The following TNR variants were observed in gnomAD, a reference collection of about 807,000 sequenced individuals.
The protein encoded by TNR is tenascin-R.
TNR carries 45 observed loss-of-function variants against 150.4 expected under a neutral mutation model. That is an observed-to-expected ratio of 0.30 (90% CI 0.24 to 0.38). TNR has a LOEUF of 0.38. TNR is among the 10% of genes least tolerant of loss of function. TNR has a pLI of 1.00. For missense variants in TNR, 1,544 were observed against 1,759.1 expected, an observed-to-expected ratio of 0.88 and a Z score of 2.19; for synonymous variants, 687 against 678.4, an observed-to-expected ratio of 1.01 and a Z score of -0.20.
rs889149795 is a variant in TNR, at chr1:175,406,246, C to T, written c.469G>A (p.Ala157Thr). ...GCAGCACTTTCTTGGCAGCAGTTGG[C>T]GTTGCACTGGTCTCGCAGCACCGAC... ...EVSVLRDQCN[A>T]NCCQESAATG... Residue 157 changes from alanine to threonine, a missense_variant, in exon 3 of 23, where the codon GCC (alanine) becomes ACC (threonine). Coordinates refer to ENST00000367674, the MANE Select transcript of TNR (RefSeq NM_003285.3). The T allele has an allele frequency of 1.2e-6, 2 of 1,614,066 alleles. No individual in the cohort carries two copies. Among genetic ancestry groups the T allele is most frequent in the Non-Finnish European group, 1.7e-6 (2 of 1,179,974 alleles).
intron 2 of TNR, among the ~76,000 whole-genome samples, chr1:175,415,761 C>G (rs928727544): frequency 2.6e-5 from 4 of 152,178 alleles, no homozygotes; most frequent in African/African-American, 7.2e-5. Context: ...CACAGAGACA[C>G]TCTTTCATCT....
intron 4 of TNR, among the ~76,000 whole-genome samples, chr1:175,398,147 A>G (rs1160190526): frequency 6.6e-6 from 1 of 152,098 alleles, no homozygotes; most frequent in East Asian, 1.9e-4. Context: ...TCACATGTGC[A>G]CCCTCAAATC....
intron 1 of TNR, among the ~76,000 whole-genome samples, chr1:175,537,705 C>A (rs1055471801): frequency 6.6e-6 from 1 of 152,190 alleles, no homozygotes; most frequent in African/African-American, 2.4e-5. Context: ...GGGCTGTGAG[C>A]CAAAACCCTT....
intron 2 of TNR, among the ~76,000 whole-genome samples, chr1:175,511,947 G>T (rs575913215): frequency 2.0e-4 from 31 of 152,256 alleles, no homozygotes; most frequent in Admixed American, 2.6e-4. Context: ...CATTGCTAAA[G>T]TCAACAACAC....
intron 3 of TNR, among the ~76,000 whole-genome samples, chr1:175,405,268 C>T (rs755325637): frequency 1.3e-5 from 2 of 152,216 alleles, no homozygotes; most frequent in African/African-American, 4.8e-5. Flanking sequence ...TTACAGAAGC[C>T]AGGCTGACAT....
intron 1 of TNR, among the ~76,000 whole-genome samples, chr1:175,731,176 C>G (rs1033334077): frequency 1.3e-5 from 2 of 152,162 alleles, no homozygotes; most frequent in African/African-American, 4.8e-5. Context: ...GCCATTGGAA[C>G]AGTGGGTCTT....
At chr1:175,363,569 C>A in intron 13 of TNR, 139 bp downstream of exon 13, 1 of 1,164,290 alleles carries the variant, frequency 8.6e-7, no homozygotes, top group Non-Finnish European at 1.2e-6. Context: ...TGCTCACCAG[C>A]CCACTCTCAT....
chr1:175,449,643 T>A (rs1656218453), intron 2 of TNR, among the ~76,000 whole-genome samples: 1 of 149,560 alleles, frequency 6.7e-6, no homozygotes, highest in South Asian at 2.1e-4. Flanking sequence ...AAGATGAAGC[T>A]ACAAGGAAAT....
intron 1 of TNR, among the ~76,000 whole-genome samples, chr1:175,603,369 G>C (rs1663310647): frequency 6.6e-6 from 1 of 152,156 alleles, no homozygotes; most frequent in African/African-American, 2.4e-5. Flanking sequence ...AAATAGTAAG[G>C]GGTCAGTAAG....
At chr1:175,433,564 C>A (rs186977866) in intron 2 of TNR, among the ~76,000 whole-genome samples, 1 of 152,264 alleles carries the variant, frequency 6.6e-6, no homozygotes, top group Non-Finnish European at 1.5e-5. Flanking sequence ...TATGGAGAAG[C>A]AAAGGCAATC....
rs1657830228 is a variant in TNR, at chr1:175,482,001, C to G, written c.-64+46268G>C. Among the ~76,000 whole-genome samples, 3 of 152,182 alleles carry G rather than the reference C, an allele frequency of 2.0e-5. No individual in the cohort carries two copies. The South Asian group carries it at 6.2e-4, about 32-fold the overall frequency. On this transcript the variant is annotated intron_variant, in intron 2 of 22. Coordinates refer to ENST00000367674, the MANE Select transcript of TNR (RefSeq NM_003285.3). ...ACCTGATGCACTCAGCCTCCACAAC[C>G]ACACCCTGCCTCGTGTTGTCACACT...
intron 15 of TNR, among the ~76,000 whole-genome samples, chr1:175,358,781 G>A (rs1425885492): frequency 6.6e-6 from 1 of 152,220 alleles, no homozygotes; most frequent in Non-Finnish European, 1.5e-5. Context: ...ACAGAAGACA[G>A]TGAACTTCAA....
At chr1:175,712,381 G>C (rs183002142) in intron 1 of TNR, among the ~76,000 whole-genome samples, 4 of 152,244 alleles carry the variant, frequency 2.6e-5, no homozygotes, top group Admixed American at 2.0e-4. Context: ...AGGATGGTTT[G>C]AGACCAGTGA....
At chr1:175,434,453 G>T (rs1655409135) in intron 2 of TNR, among the ~76,000 whole-genome samples, 2 of 152,116 alleles carry the variant, frequency 1.3e-5, no homozygotes, top group Non-Finnish European at 2.9e-5. Flanking sequence ...GCTGCTCGCT[G>T]GCACCCCCTA....
chr1:175,707,388 T>A (rs1371367409), intron 1 of TNR, among the ~76,000 whole-genome samples: 3 of 152,236 alleles, frequency 2.0e-5, no homozygotes, highest in Non-Finnish European at 4.4e-5. Flanking sequence ...TTCTGATATT[T>A]ATTTGAGTGC....
intron 2 of TNR, among the ~76,000 whole-genome samples, chr1:175,505,795 C>A (rs1307738635): frequency 6.6e-6 from 1 of 152,222 alleles, no homozygotes; most frequent in Non-Finnish European, 1.5e-5. Flanking sequence ...CATCCCAGCA[C>A]TTTGGGAGGC....
At chr1:175,607,635 A>G (rs1663453383) in intron 1 of TNR, among the ~76,000 whole-genome samples, 1 of 152,222 alleles carries the variant, frequency 6.6e-6, no homozygotes, top group Admixed American at 6.5e-5. Flanking sequence ...ACAATACGTT[A>G]CAGTGGTCAG....
In TNR at chr1:175,406,371, G is replaced by A. The variant is rs773452165; in HGVS notation, c.344C>T (p.Thr115Ile). ...TSDHESQVTF[T>I]HRINFPKKAC... ...CTTTTTGGGGAAGTTGATCCTGTGT[G>A]TAAAGGTGACCTGGCTCTCGTGGTC... is the stretch of plus-strand genomic sequence containing the variant. The change falls in exon 3 of 23, where the codon ACA becomes ATA. Residue 115 changes from threonine (T) to isoleucine (I), a missense_variant. Coordinates refer to ENST00000367674, the MANE Select transcript of TNR (RefSeq NM_003285.3). 7 of 1,614,070 alleles carry A rather than the reference G, an allele frequency of 4.3e-6. No homozygotes were observed. The highest frequency in any genetic ancestry group is 5.9e-6 in the Non-Finnish European group (7 of 1,180,040).
At chr1:175,464,426 A>G (rs1374187844) in intron 2 of TNR, among the ~76,000 whole-genome samples, 1 of 152,244 alleles carries the variant, frequency 6.6e-6, no homozygotes, top group Non-Finnish European at 1.5e-5. Context: ...GCCAGCTCCA[A>G]GGAAGACGAG....
Sources: gnomAD v4.1 joint callset for allele counts (sites outside exome capture counted in the v4.1 genomes callset) on GRCh38, gnomAD v4.1.1 for gene constraint, MANE v1.5 for transcripts, NCBI Gene and HGNC (gene_info 2026-07-23, HGNC 2026-07-21) for gene names.